Variants in ARNT2 observed in about 807,000 individuals in gnomAD.
ARNT2 encodes the protein aryl hydrocarbon receptor nuclear translocator 2, also known as ARNT protein 2.
Under a neutral mutation model 91.7 loss-of-function variants are expected in ARNT2, and 36 were observed. The observed-to-expected ratio is 0.39, with a 90% CI of 0.30 to 0.52. The LOEUF (loss-of-function observed/expected upper bound fraction) is 0.52. ARNT2 is among the 20% of genes least tolerant of loss of function. ARNT2 has a pLI of 0.72. For synonymous variants in ARNT2, 365 were observed against 347.1 expected, an observed-to-expected ratio of 1.05 and a Z score of -0.57; for missense variants, 775 against 939.3, an observed-to-expected ratio of 0.83 and a Z score of 2.29.
At chr15:80,483,099 G>T (rs7183286) in intron 5 of ARNT2, among the ~76,000 whole-genome samples, 10,566 of 152,206 alleles carry the variant, frequency 0.069, 886 homozygotes, top group African/African-American at 0.19. Context: ...GTAAACCCTG[G>T]TAAAATCTGT....
At chr15:80,405,464 G>GAGGGAGGTCATGTGTTGGAGAT (rs1199820175) in intron 1 of ARNT2, among the ~76,000 whole-genome samples, 2 of 152,166 alleles carry the variant, frequency 1.3e-5, no homozygotes, top group African/African-American at 4.8e-5. Context: ...ATTCCCAGCA[G>GAGGGAGGTCATGTGTTGGAGAT]AGGGAGGTCA....
At chr15:80,493,040 G>A (rs534773360) in intron 5 of ARNT2, among the ~76,000 whole-genome samples, 83 of 152,328 alleles carry the variant, frequency 5.4e-4, no homozygotes, top group Middle Eastern at 6.8e-3. Flanking sequence ...AAACTGGGAA[G>A]TCCAAGACCA....
intron 15 of ARNT2, among the ~76,000 whole-genome samples, chr15:80,578,534 C>A (rs919835155): frequency 5.3e-5 from 8 of 150,804 alleles, no homozygotes; most frequent in African/African-American, 1.9e-4. Context: ...TCACTGATGA[C>A]CTTTGGGAGA....
intron 1 of ARNT2, among the ~76,000 whole-genome samples, chr15:80,438,476 T>C (rs185760322): frequency 4.6e-5 from 7 of 152,326 alleles, no homozygotes; most frequent in Admixed American, 6.5e-5. Context: ...GAAAGATGCA[T>C]GGTCTAAACA....
intron 1 of ARNT2, among the ~76,000 whole-genome samples, chr15:80,424,597 A>G (rs1243069023): frequency 1.3e-5 from 2 of 152,030 alleles, no homozygotes; most frequent in African/African-American, 2.4e-5. Context: ...TGGTTTTATT[A>G]TGGCATTCTT....
chr15:80,489,154 G>A (rs1897018600), intron 5 of ARNT2, among the ~76,000 whole-genome samples: 1 of 152,122 alleles, frequency 6.6e-6, no homozygotes, highest in Non-Finnish European at 1.5e-5. Context: ...TAGCTTTGTT[G>A]CAAAAACTCC....
chr15:80,479,221 C>G (rs549098863), intron 5 of ARNT2, among the ~76,000 whole-genome samples: 1 of 152,140 alleles, frequency 6.6e-6, no homozygotes, highest in Non-Finnish European at 1.5e-5. Context: ...CTCAGGGACC[C>G]CAGAAAATCA....
intron 1 of ARNT2, among the ~76,000 whole-genome samples, chr15:80,443,179 A>G (rs946487405): frequency 3.3e-5 from 5 of 152,248 alleles, no homozygotes; most frequent in African/African-American, 4.8e-5. Flanking sequence ...CTTTCTTGCC[A>G]GAGGACATAG....
intron 11 of ARNT2, chr15:80,562,862 C>T (rs1400094937): frequency 1.3e-5 from 8 of 624,214 alleles, no homozygotes; most frequent in Admixed American, 7.7e-5. Context: ...TTTCTCATAC[C>T]GTGGTTACAG....
Position 80,573,945 on chromosome 15 carries a change from G to A in ARNT2, c.1317-203G>A. On this transcript the variant is annotated intron_variant, in intron 12 of 18. Transcript: ENST00000303329. ...GTCAAAATTGGTTTCTTAAATAGTT[G>A]AGTTTGGTAGCCTAAACATGAAATG... 5 of 562,102 alleles carry A rather than the reference G, an allele frequency of 8.9e-6. No homozygotes were observed. The South Asian group carries it at 1.2e-4, about 13-fold the overall frequency. The allele number at this position is 562,102 out of a possible 1,614,324, so 34.8% of individuals were successfully genotyped here. A position where few individuals can be genotyped will look rare whatever the true frequency, so the allele number is the denominator to read the frequency against.
chr15:80,557,489 A>G (rs759391666), intron 11 of ARNT2, among the ~76,000 whole-genome samples: 8 of 152,120 alleles, frequency 5.3e-5, no homozygotes, highest in Non-Finnish European at 8.8e-5. Flanking sequence ...GGAGCAGAAA[A>G]TATAACTATT....
At chr15:80,502,551 C>A (rs1268235153) in intron 5 of ARNT2, among the ~76,000 whole-genome samples, 1 of 152,054 alleles carries the variant, frequency 6.6e-6, no homozygotes, top group Admixed American at 6.6e-5. Flanking sequence ...CTGGAAGGAG[C>A]GTGTCATGCA....
At chr15:80,505,896 G>A (rs1323127631) in intron 5 of ARNT2, among the ~76,000 whole-genome samples, 5 of 133,882 alleles carry the variant, frequency 3.7e-5, no homozygotes, top group Non-Finnish European at 6.4e-5. Flanking sequence ...GTCTGGCTGT[G>A]TTAAAGAAAA....
At chr15:80,530,900 C>T (rs757333749) in intron 8 of ARNT2, among the ~76,000 whole-genome samples, 1 of 152,166 alleles carries the variant, frequency 6.6e-6, no homozygotes, top group Non-Finnish European at 1.5e-5. Context: ...CTGTATTCTC[C>T]TCCTAGATAA....
chr15:80,491,422 G>A (rs1897054387), intron 5 of ARNT2, among the ~76,000 whole-genome samples: 1 of 152,246 alleles, frequency 6.6e-6, no homozygotes. Flanking sequence ...GCACGTGAAA[G>A]ACCTGCTCCC....
intron 14 of ARNT2, among the ~76,000 whole-genome samples, chr15:80,576,590 T>TA (rs1898679058): frequency 1.3e-5 from 2 of 152,230 alleles, no homozygotes; most frequent in South Asian, 4.1e-4. Flanking sequence ...TTAATTCTTT[T>TA]AATCTTCCCC....
At chr15:80,460,726 G>A (rs1042439391) in intron 3 of ARNT2, among the ~76,000 whole-genome samples, 4 of 152,220 alleles carry the variant, frequency 2.6e-5, no homozygotes, top group Non-Finnish European at 4.4e-5. Context: ...ATGAAGATGC[G>A]TGAGAACAAC....
At chr15:80,420,729 TG>T (rs1319945086) in intron 1 of ARNT2, among the ~76,000 whole-genome samples, 2 of 152,118 alleles carry the variant, frequency 1.3e-5, no homozygotes, top group African/African-American at 4.8e-5. Flanking sequence ...TATGTACATA[TG>T]TTCATTCCAA....
intron 8 of ARNT2, among the ~76,000 whole-genome samples, chr15:80,547,978 T>C (rs571119585): frequency 6.6e-6 from 1 of 152,358 alleles, no homozygotes; most frequent in South Asian, 2.1e-4. Flanking sequence ...AATATGACAG[T>C]ATGAAAAATT....
Sources: allele counts gnomAD v4.1 joint callset (sites outside exome capture counted in the v4.1 genomes callset), GRCh38; gene constraint gnomAD v4.1.1; transcripts MANE v1.5; gene names NCBI Gene and HGNC (gene_info 2026-07-23, HGNC 2026-07-21).